The following CSMD1 variants were observed in gnomAD, a reference collection of about 807,000 sequenced individuals.
The protein encoded by CSMD1 is CUB and Sushi multiple domains 1.
In CSMD1, 213 loss-of-function variants were observed where a neutral mutation model predicts 417.5. The observed-to-expected ratio is 0.51, with a 90% CI of 0.46 to 0.57. The LOEUF (loss-of-function observed/expected upper bound fraction) is 0.57. CSMD1 is among the 20% of genes least tolerant of loss of function. CSMD1 has a pLI of 0.00. For synonymous variants in CSMD1, 2,862 were observed against 1,736.8 expected (o/e 1.65, Z -16.11); for missense variants, 6,923 against 4,529.7 (o/e 1.53, Z -15.17).
intron 26 of CSMD1, among the ~76,000 whole-genome samples, chr8:3,243,801 A>G (rs1277643390): frequency 6.6e-6 from 1 of 150,746 alleles, no homozygotes; most frequent in Non-Finnish European, 1.5e-5. Context: ...ATTTATATAT[A>G]ATTATATGAT....
At chr8:3,156,529 G>A (rs1819545344) in intron 39 of CSMD1, among the ~76,000 whole-genome samples, 1 of 152,166 alleles carries the variant, frequency 6.6e-6, no homozygotes, top group African/African-American at 2.4e-5. Context: ...CATGGTGGTG[G>A]TAGCCCAGGG....
At chr8:4,312,174 A>G (rs1798621184) in intron 3 of CSMD1, among the ~76,000 whole-genome samples, 1 of 151,940 alleles carries the variant, frequency 6.6e-6, no homozygotes, top group Non-Finnish European at 1.5e-5. Flanking sequence ...GCATTTAGTC[A>G]GAAGACACAA....
At chr8:4,665,185 G>C (rs1277391948) in intron 1 of CSMD1, among the ~76,000 whole-genome samples, 1 of 151,818 alleles carries the variant, frequency 6.6e-6, no homozygotes, top group Non-Finnish European at 1.5e-5. Context: ...TTGTCCATTT[G>C]CCAAACCCTG....
chr8:4,370,837 T>C (rs1005504974), intron 3 of CSMD1, among the ~76,000 whole-genome samples: 2 of 152,194 alleles, frequency 1.3e-5, no homozygotes, highest in Non-Finnish European at 2.9e-5. Context: ...GATCATTTTA[T>C]TGTTTTCCTT....
rs527240479 is a variant in CSMD1 at position 4,081,984 on chromosome 8, G to C, written c.416-49885C>G. Among the ~76,000 whole-genome samples, 5 of 152,022 alleles carry C rather than the reference G, an allele frequency of 3.3e-5. No individual in the cohort carries two copies. The East Asian group carries it at 7.7e-4, about 23-fold the overall frequency. ...TCAATTATTTAAGATTCTGCCTCAG[G>C]AAGTTAATAGGAAAAAAATATATAA... On this transcript the variant is annotated intron_variant, in intron 3 of 69. Transcript: ENST00000635120.
At chr8:4,433,375 C>G (rs6558881) in intron 2 of CSMD1, among the ~76,000 whole-genome samples, 1 of 152,092 alleles carries the variant, frequency 6.6e-6, no homozygotes, top group Non-Finnish European at 1.5e-5. Flanking sequence ...ATATCATGGA[C>G]ATGACATCAT....
At chr8:4,558,969 G>A (rs929013760) in intron 2 of CSMD1, among the ~76,000 whole-genome samples, 13 of 151,964 alleles carry the variant, frequency 8.6e-5, no homozygotes, top group Non-Finnish European at 1.8e-4. Flanking sequence ...TACTTTCCCT[G>A]ACTGAACTGG....
At chr8:3,985,361 G>A (rs944951103) in intron 5 of CSMD1, among the ~76,000 whole-genome samples, 6 of 152,066 alleles carry the variant, frequency 3.9e-5, no homozygotes, top group African/African-American at 1.4e-4. Context: ...GCATTGTTTT[G>A]TTTTCCTTTC....
intron 3 of CSMD1, among the ~76,000 whole-genome samples, chr8:4,231,866 A>C (rs1011332928): frequency 2.6e-5 from 4 of 152,234 alleles, no homozygotes; most frequent in African/African-American, 9.6e-5. Flanking sequence ...TAAAGGATCA[A>C]ACACATCAAC....
At chr8:4,029,799 T>G (rs1200435266) in intron 4 of CSMD1, among the ~76,000 whole-genome samples, 1 of 152,150 alleles carries the variant, frequency 6.6e-6, no homozygotes, top group Non-Finnish European at 1.5e-5. Flanking sequence ...ATCTTCCTCT[T>G]ATGAACCTGT....
chr8:4,898,942 A>G (rs924060242), intron 1 of CSMD1, among the ~76,000 whole-genome samples: 1 of 152,208 alleles, frequency 6.6e-6, no homozygotes, highest in African/African-American at 2.4e-5. Flanking sequence ...TTTTATTCTG[A>G]GATTACAGTT....
At position 4,284,714 on chromosome 8, in the gene CSMD1, G is replaced by A. The variant is rs150468201; in HGVS notation, c.415+135239C>T. Among the ~76,000 whole-genome samples, 794 of 152,100 alleles carry A rather than the reference G, an allele frequency of 5.2e-3. 8 individuals carry two copies. Among genetic ancestry groups the A allele is most frequent in the African/African-American group, 0.018 (735 of 41,474 alleles). On this transcript the variant is annotated intron_variant, in intron 3 of 69. Transcript: ENST00000635120. The stretch of plus-strand genomic sequence containing the variant: ...AAAACACTAAAATTTGGATTTCTAC[G>A]ACTCCCAGGAGGGTAACTCCATGTG...
intron 2 of CSMD1, among the ~76,000 whole-genome samples, chr8:4,555,300 G>A (rs1422886096): frequency 2.6e-5 from 4 of 152,096 alleles, no homozygotes; most frequent in Non-Finnish European, 4.4e-5. Context: ...CAGGTGCAGT[G>A]GCATGTTTGG....
intron 57 of CSMD1, among the ~76,000 whole-genome samples, chr8:2,969,711 G>C (rs1804272990): frequency 6.6e-6 from 1 of 152,120 alleles, no homozygotes; most frequent in Non-Finnish European, 1.5e-5. Flanking sequence ...TTTTCATCGA[G>C]AGGAACTCAC....
chr8:4,030,363 T>G (rs35232591), intron 4 of CSMD1, among the ~76,000 whole-genome samples: 2 of 152,270 alleles, frequency 1.3e-5, no homozygotes, highest in East Asian at 3.9e-4. Flanking sequence ...AGGCAAAGGT[T>G]CCCAAACCCA....
chr8:3,557,050 C>CA (rs1176512474), intron 10 of CSMD1, among the ~76,000 whole-genome samples: 1 of 152,120 alleles, frequency 6.6e-6, no homozygotes, highest in Non-Finnish European at 1.5e-5. Flanking sequence ...ATGGCACTGT[C>CA]AAAAAACACA....
At chr8:4,165,954 G>A (rs549449123) in intron 3 of CSMD1, among the ~76,000 whole-genome samples, 12 of 152,132 alleles carry the variant, frequency 7.9e-5, no homozygotes, top group African/African-American at 2.9e-4. Flanking sequence ...ACTCTTCAAG[G>A]TGTCACTGTA....
chr8:3,312,781 C>T (rs1805448805), intron 23 of CSMD1, among the ~76,000 whole-genome samples: 1 of 146,160 alleles, frequency 6.8e-6, no homozygotes. Context: ...CATAGCATGT[C>T]AGCATCTCTC....
intron 6 of CSMD1, among the ~76,000 whole-genome samples, chr8:3,712,525 T>C (rs1025350632): frequency 2.0e-5 from 3 of 152,248 alleles, no homozygotes; most frequent in East Asian, 3.9e-4. Context: ...GCCTCTTCTT[T>C]CTCCTGAATT....
Sources: allele counts gnomAD v4.1 joint callset (sites outside exome capture counted in the v4.1 genomes callset), GRCh38; gene constraint gnomAD v4.1.1; transcripts MANE v1.5; gene names NCBI Gene and HGNC (gene_info 2026-07-23, HGNC 2026-07-21).